Variants in CDK13 observed in about 807,000 individuals in gnomAD.
CDK13 encodes the protein cyclin-dependent kinase 13.
Under a neutral mutation model 137.6 loss-of-function variants are expected in CDK13, and 40 were observed. The observed-to-expected ratio is 0.29, with a 90% CI of 0.23 to 0.38. CDK13 has a LOEUF of 0.38. Among genes scored for constraint, CDK13 ranks in the 10% least tolerant of loss-of-function variants. The pLI, the probability that CDK13 is intolerant of heterozygous loss-of-function variation, is 1.00. For missense variants in CDK13, 1,704 were observed against 1,951.8 expected (o/e 0.87, Z 2.39); for synonymous variants, 869 against 760.1 (o/e 1.14, Z -2.36).
intron 1 of CDK13, among the ~76,000 whole-genome samples, chr7:39,981,971 T>TC (rs1491468667): frequency 2.1e-5 from 3 of 144,630 alleles, no homozygotes; most frequent in African/African-American, 7.4e-5. Context: ...TTTTTTTTTT[T>TC]CACTATTGTG....
chr7:40,024,999 G>T (rs1785214819), intron 5 of CDK13, among the ~76,000 whole-genome samples: 1 of 151,970 alleles, frequency 6.6e-6, no homozygotes, highest in African/African-American at 2.4e-5. Context: ...ATATCTCTGT[G>T]CCATTACCTT....
In CDK13 at chr7:40,092,786, A is replaced by G. The variant is rs140965963; in HGVS notation, c.3237A>G (p.Val1079=). The G allele has an allele frequency of 4.7e-5, 75 of 1,608,858 alleles. No individual in the cohort carries two copies. The African/African-American group carries it at 9.0e-4, about 19-fold the overall frequency. ...KSQGSSNVAP[V]KTGPGQHLNH... is the part of the protein sequence containing the mutation. ...TAATTAATATAATTTTGTCTTTAGT[A>G]AAAACAGGCCCTGGACAGCACTTAA... Residue 1079 remains valine, a splice_region_variant and synonymous_variant, in exon 13 of 14, where the codon GTA becomes GTG. Transcript: ENST00000181839.
chr7:40,034,616 T>C (rs1785445608), intron 5 of CDK13, among the ~76,000 whole-genome samples: 2 of 152,228 alleles, frequency 1.3e-5, no homozygotes, highest in Admixed American at 1.3e-4. Context: ...GCTAAAAATA[T>C]TCCTGTACAT....
intron 1 of CDK13, among the ~76,000 whole-genome samples, chr7:39,976,323 T>TCTCACACACA: frequency 2.5e-4 from 10 of 39,580 alleles, no homozygotes; most frequent in African/African-American, 6.8e-4. Flanking sequence ...TCTCTCTCTC[T>TCTCACACACA]CACACACACA....
intron 9 of CDK13, among the ~76,000 whole-genome samples, chr7:40,075,095 G>A (rs1191929113): frequency 6.6e-6 from 1 of 152,090 alleles, no homozygotes; most frequent in Non-Finnish European, 1.5e-5. Context: ...TAAAGAGGTG[G>A]ATAGGAGATT....
At chr7:39,955,008 C>A (rs970790940) in intron 1 of CDK13, among the ~76,000 whole-genome samples, 1 of 152,150 alleles carries the variant, frequency 6.6e-6, no homozygotes, top group Admixed American at 6.5e-5. Context: ...TCATTTGAAT[C>A]TTCAGTCCTC....
chr7:40,071,877 G>A (rs1786429487), intron 9 of CDK13: 1 of 152,114 alleles, frequency 6.6e-6, no homozygotes, highest in Non-Finnish European at 1.5e-5. Flanking sequence ...TTGAGAAAAT[G>A]TCTGGAAAAT....
chr7:40,030,068 C>T (rs916195592), intron 5 of CDK13, among the ~76,000 whole-genome samples: 3 of 152,076 alleles, frequency 2.0e-5, no homozygotes, highest in Non-Finnish European at 4.4e-5. Context: ...TCTTTCTAAC[C>T]CATGTTTAGC....
chr7:39,981,090 A>G (rs1784212994), intron 1 of CDK13, among the ~76,000 whole-genome samples: 1 of 152,176 alleles, frequency 6.6e-6, no homozygotes, highest in Admixed American at 6.5e-5. Flanking sequence ...TAGAAAGAAA[A>G]ATCTTGGCTG....
chr7:40,014,059 T>TTTTTC, intron 5 of CDK13, among the ~76,000 whole-genome samples: 1 of 88,240 alleles, frequency 1.1e-5, no homozygotes, highest in African/African-American at 8.3e-5. Flanking sequence ...CTGTCTTGTC[T>TTTTTC]TTTTTTTTTT....
Position 40,066,075 on chromosome 7 carries a change from G to A in CDK13, c.2780+2975G>A, listed in dbSNP as rs1193234519. Among the ~76,000 whole-genome samples, 7 of 152,014 alleles carry A rather than the reference G, an allele frequency of 4.6e-5. No individual in the cohort carries two copies. In the South Asian group the frequency reaches 1.5e-3, roughly 31 times the overall value. On this transcript the variant is annotated intron_variant, in intron 9 of 13. Coordinates refer to ENST00000181839, the MANE Select transcript of CDK13 (RefSeq NM_003718.5). ...ACAACAAATTAGCTAGTCATTGGAG[G>A]GTGAGCATGTGGTCCGTACTACTCG...
chr7:40,094,353 G>A lies in CDK13; in HGVS notation c.3912G>A (p.Gln1304=). 1 of 1,613,966 alleles carries A rather than the reference G, an allele frequency of 6.2e-7. No homozygotes were observed. The highest frequency in any genetic ancestry group is 1.3e-5 in the African/African-American group (1 of 74,988). The stretch of plus-strand genomic sequence containing the variant: ...CCGGAGTGAAGGCAGCCCTGTTACA[G>A]CTGCTTGCTCAGCATCAGCCCCAGG... ...PHAGVKAALL[Q]LLAQHQPQDD... is the part of the protein sequence containing the mutation. Residue 1304 remains glutamine (Q), a synonymous_variant, in exon 14 of 14, where the codon CAG becomes CAA. Coordinates refer to ENST00000181839, the MANE Select transcript of CDK13 (RefSeq NM_003718.5).
intron 3 of CDK13, chr7:39,998,483 G>C (rs1284342152): frequency 6.5e-6 from 1 of 153,802 alleles, no homozygotes; most frequent in Non-Finnish European, 1.4e-5. Context: ...GCCGGGTGTG[G>C]TGGTGCATGC....
intron 7 of CDK13, among the ~76,000 whole-genome samples, chr7:40,050,047 T>G (rs2150518932): frequency 6.6e-6 from 1 of 152,124 alleles, no homozygotes; most frequent in South Asian, 2.1e-4. Context: ...TGGTGCAATC[T>G]CAGCTCACTA....
At chr7:40,003,011 A>G (rs1232357064) in intron 5 of CDK13, among the ~76,000 whole-genome samples, 1 of 151,740 alleles carries the variant, frequency 6.6e-6, no homozygotes, top group Non-Finnish European at 1.5e-5. Context: ...TGCAGGAGAT[A>G]GAGGCTTCAG....
At chr7:40,037,538 G>A (rs1019023505) in intron 5 of CDK13, among the ~76,000 whole-genome samples, 6 of 152,306 alleles carry the variant, frequency 3.9e-5, no homozygotes, top group African/African-American at 1.4e-4. Flanking sequence ...ACCTAGACTT[G>A]GAAGTCACAT....
chr7:40,064,284 CAAAAAA>C (rs1388646828), intron 9 of CDK13, among the ~76,000 whole-genome samples: 1 of 59,766 alleles, frequency 1.7e-5, no homozygotes, highest in Non-Finnish European at 4.3e-5. Context: ...AATTATGTCT[CAAAAAA>C]AAAAAAAAAA....
chr7:40,048,814 T>C (rs1252057938), intron 7 of CDK13: 1 of 151,482 alleles, frequency 6.6e-6, no homozygotes, highest in Non-Finnish European at 1.5e-5. Context: ...GTGACATAAT[T>C]CTGGAAAGTA....
intron 1 of CDK13, among the ~76,000 whole-genome samples, chr7:39,971,502 G>GT (rs2116189886): frequency 6.6e-6 from 1 of 152,102 alleles, no homozygotes; most frequent in South Asian, 2.1e-4. Context: ...GGGCAACAGA[G>GT]TAAGACTCGG....
Sources: gnomAD v4.1 joint callset for allele counts (sites outside exome capture counted in the v4.1 genomes callset) on GRCh38, gnomAD v4.1.1 for gene constraint, MANE v1.5 for transcripts, NCBI Gene and HGNC (gene_info 2026-07-23, HGNC 2026-07-21) for gene names.